ARHGAP39: variants seen among roughly 807,000 people sequenced by gnomAD.
ARHGAP39 encodes Rho GTPase activating protein 39, also known as rho GTPase-activating protein 39.
A neutral mutation model predicts 106.9 loss-of-function variants in ARHGAP39; 44 were observed. The observed-to-expected ratio is 0.41, with a 90% CI of 0.32 to 0.53. The LOEUF (loss-of-function observed/expected upper bound fraction) is 0.53, where lower values mean the gene tolerates loss of function less well. Ranked by LOEUF, ARHGAP39 falls within the 20% of genes least tolerant of loss-of-function variation. The pLI is 0.21. For synonymous variants in ARHGAP39, 768 were observed against 693.2 expected, an observed-to-expected ratio of 1.11 and a Z score of -1.69; for missense variants, 1,496 against 1,577.3, an observed-to-expected ratio of 0.95 and a Z score of 0.87.
chr8:144,545,162 G>A, intron 6 of ARHGAP39, 87 bp downstream of exon 6: 1 of 1,277,772 alleles, frequency 7.8e-7, no homozygotes, highest in Non-Finnish European at 1.0e-6. Flanking sequence ...GGGCCGCCAG[G>A]GACTTCACCA....
intron 1 of ARHGAP39, among the ~76,000 whole-genome samples, chr8:144,612,735 C>T (rs1192752205): frequency 3.4e-5 from 5 of 145,058 alleles, no homozygotes; most frequent in East Asian, 4.1e-4. Context: ...CCAGCCAGGG[C>T]GACAGAGTGA....
chr8:144,605,244 G>A (rs1820238862), intron 2 of ARHGAP39, among the ~76,000 whole-genome samples: 1 of 152,166 alleles, frequency 6.6e-6, no homozygotes, highest in Admixed American at 6.5e-5. Flanking sequence ...CTGGACAACC[G>A]AGTGAGACCC....
intron 3 of ARHGAP39, among the ~76,000 whole-genome samples, chr8:144,565,716 T>C (rs111265960): frequency 0.1 from 15,775 of 151,668 alleles, 2,015 homozygotes; most frequent in African/African-American, 0.3. Context: ...AAATGGAAAT[T>C]ATCCCACAGA....
chr8:144,605,749 A>C, intron 1 of ARHGAP39, 54 bp from the exon 2 acceptor site: 33 of 800,050 alleles, frequency 4.1e-5, no homozygotes, highest in East Asian at 5.4e-5. Flanking sequence ...CACCACACCA[A>C]TCACCCGGCC....
the ARHGAP39 span, among the ~76,000 whole-genome samples, chr8:144,695,889 T>TTAA: frequency 1.3e-5 from 2 of 152,144 alleles, no homozygotes; most frequent in African/African-American, 4.8e-5. Flanking sequence ...TTCTTGGATG[T>TTAA]GCTGGGAGTC....
chr8:144,687,151 TCCCACCCCCGTGACC>T (rs1822622933), upstream of ARHGAP39, among the ~76,000 whole-genome samples: 1 of 31,588 alleles, frequency 3.2e-5, no homozygotes, highest in Non-Finnish European at 5.2e-5. Flanking sequence ...GGCGAGCATT[TCCCACCCCCGTGACC>T]ACACACTGGC....
At chr8:144,658,048 G>C (rs1007997022) in intron 1 of ARHGAP39, among the ~76,000 whole-genome samples, 3 of 152,030 alleles carry the variant, frequency 2.0e-5, no homozygotes, top group African/African-American at 7.3e-5. Flanking sequence ...ATTAATCTAG[G>C]GATGATTTAA....
chr8:144,639,211 C>T (rs117518563), intron 1 of ARHGAP39, among the ~76,000 whole-genome samples: 5 of 151,240 alleles, frequency 3.3e-5, no homozygotes, highest in African/African-American at 9.7e-5. Flanking sequence ...CCTGAGTCCC[C>T]GCTACTTGGG....
At chr8:144,697,973 A>G in the ARHGAP39 span, among the ~76,000 whole-genome samples, 2 of 152,164 alleles carry the variant, frequency 1.3e-5, no homozygotes. Context: ...ATCTGGGTCT[A>G]TAGATTCTTT....
At chr8:144,573,611 TA>T (rs1818663092) in intron 3 of ARHGAP39, among the ~76,000 whole-genome samples, 1 of 151,726 alleles carries the variant, frequency 6.6e-6, no homozygotes, top group South Asian at 2.1e-4. Context: ...AAAATAAAAA[TA>T]AAAAAAGGAT....
intron 1 of ARHGAP39, among the ~76,000 whole-genome samples, chr8:144,672,792 TA>T (rs1563732568): frequency 6.6e-6 from 1 of 152,200 alleles, no homozygotes; most frequent in Non-Finnish European, 1.5e-5. Flanking sequence ...ACAAGCATCT[TA>T]TCTGCAGATA....
chr8:144,656,273 G>A (rs1014930876), intron 1 of ARHGAP39, among the ~76,000 whole-genome samples: 5 of 150,070 alleles, frequency 3.3e-5, no homozygotes, highest in Non-Finnish European at 5.9e-5. Flanking sequence ...TAGGAGAATC[G>A]CTTGAGCCCA....
intron 10 of ARHGAP39, 152 bp from the exon 11 acceptor site, chr8:144,531,023 C>A: frequency 1.9e-6 from 2 of 1,071,470 alleles, no homozygotes; most frequent in South Asian, 3.3e-5. Flanking sequence ...CCAGGCTGGG[C>A]CCTGACCCCA....
At chr8:144,546,654 GCA>G (rs1348203912) in intron 5 of ARHGAP39, among the ~76,000 whole-genome samples, 5 of 152,202 alleles carry the variant, frequency 3.3e-5, no homozygotes, top group African/African-American at 7.2e-5. Context: ...CAGGCTGGGC[GCA>G]ACATCCCGGA....
At chr8:144,602,973 G>C (rs1217980884) in intron 2 of ARHGAP39, among the ~76,000 whole-genome samples, 2 of 140,510 alleles carry the variant, frequency 1.4e-5, no homozygotes, top group Non-Finnish European at 3.0e-5. Context: ...GTGCGTGCGA[G>C]CTCGTGTACC....
intron 2 of ARHGAP39, among the ~76,000 whole-genome samples, chr8:144,602,453 G>A (rs1315779377): frequency 7.0e-6 from 1 of 141,922 alleles, no homozygotes; most frequent in African/African-American, 2.7e-5. Context: ...GTGCGTGCGA[G>A]CTCGTGTACC....
At chr8:144,589,358 G>T (rs576029287) in intron 2 of ARHGAP39, among the ~76,000 whole-genome samples, 2 of 152,352 alleles carry the variant, frequency 1.3e-5, no homozygotes, top group South Asian at 4.1e-4. Flanking sequence ...GTCCCGGCAG[G>T]GCCTACCCTG....
intron 9 of ARHGAP39, 71 bp from the exon 10 acceptor site, chr8:144,532,467 C>A: frequency 7.2e-7 from 1 of 1,389,550 alleles, no homozygotes. Context: ...CCTGGACACT[C>A]CCTCCGGTAG....
In ARHGAP39 at chr8:144,547,399, C is replaced by G. The variant is rs779713763; in HGVS notation, c.1687G>C (p.Ala563Pro). Residue 563 changes from alanine (A) to proline (P), a missense_variant, in exon 5 of 12, where the codon GCG becomes CCG. Physicochemically the swap from Ala to Pro is conservative, Grantham distance 27. Coordinates refer to ENST00000377307, the MANE Select transcript of ARHGAP39 (RefSeq NM_025251.3). This position sits in a 1 kb window ranked among gnomAD's most constrained non-coding sequence, Gnocchi z 5.2. ...FLAQARLAWE[A>P]QQAHFHMKQR... ...TTCATGTGGAAGTGGGCCTGCTGCG[C>G]CTCCCAGGCCAGCCGAGCCTGCGCC... 25 of 1,592,760 alleles carry G rather than the reference C, an allele frequency of 1.6e-5. No individual in the cohort carries two copies. In the South Asian group the frequency reaches 2.7e-4, roughly 17 times the overall value.
Sources: allele counts gnomAD v4.1 joint callset (sites outside exome capture counted in the v4.1 genomes callset), GRCh38; gene constraint gnomAD v4.1.1; non-coding constraint Gnocchi (gnomAD v3.1); transcripts MANE v1.5; gene names NCBI Gene and HGNC (gene_info 2026-07-23, HGNC 2026-07-21).